The following KNL1 variants were observed in gnomAD, a reference collection of about 807,000 sequenced individuals.
The protein encoded by KNL1 is outer kinetochore KNL1 complex subunit KNL1.
In KNL1, 66 loss-of-function variants were observed where a neutral mutation model predicts 201.3. That is an observed-to-expected ratio of 0.33 (90% CI 0.27 to 0.40). The LOEUF (loss-of-function observed/expected upper bound fraction) is 0.40, where lower values mean the gene tolerates loss of function less well. Among genes scored for constraint, KNL1 ranks in the 10% least tolerant of loss-of-function variants. The pLI, the probability that KNL1 is intolerant of heterozygous loss-of-function variation, is 1.00. For missense variants in KNL1, 2,815 were observed against 2,690.5 expected, an observed-to-expected ratio of 1.05 and a Z score of -1.02; for synonymous variants, 895 against 899.2, an observed-to-expected ratio of 1.00 and a Z score of 0.08.
intron 6 of KNL1, 135 bp downstream of exon 6, chr15:40,610,432 TCAC>T: frequency 1.6e-6 from 1 of 613,510 alleles, no homozygotes; most frequent in Non-Finnish European, 2.9e-6. Flanking sequence ...GCATAGTGGT[TCAC>T]ACCTGTGATC....
intron 13 of KNL1, among the ~76,000 whole-genome samples, chr15:40,637,278 C>T (rs372098216): frequency 1.3e-5 from 2 of 149,970 alleles, no homozygotes; most frequent in Non-Finnish European, 3.0e-5. Context: ...GAGTTTACCA[C>T]AGTCCAGATG....
intron 6 of KNL1, chr15:40,610,864 C>G (rs1453480945): frequency 4.4e-6 from 2 of 454,244 alleles, no homozygotes; most frequent in Non-Finnish European, 8.8e-6. Flanking sequence ...ATTCTCCTGC[C>G]TCAGCCTCCC....
rs112103405 is a variant in KNL1 at position 40,594,694 on chromosome 15, C to G, written c.-18+302C>G. Among the ~76,000 whole-genome samples the G allele has an allele frequency of 7.2e-3, 1,099 of 152,332 alleles. 10 individuals carry two copies. Among genetic ancestry groups the G allele is most frequent in the African/African-American group, 0.025 (1,051 of 41,562 alleles). ...TCTCTTGGCGTCCTCTTCCGCCCCG[C>G]CCTGCCGTCCTCTGTCAGGGCTCGC... On this transcript the variant is annotated intron_variant, in intron 1 of 25. Coordinates refer to ENST00000399668, the MANE Select transcript of KNL1 (RefSeq NM_144508.5).
rs769933301 is a variant in KNL1 at position 40,622,437 on chromosome 15, G to A, written c.2173G>A (p.Val725Ile). ...TAISSHTVKS[V>I]LGQNSKLAEP... ...TATAAGTAGTCATACAGTGAAATCTGTACTAGGCCAGAATTCTAAACTGGC... is the reference window on the plus strand; with the variant it reads ...TATAAGTAGTCATACAGTGAAATCTATACTAGGCCAGAATTCTAAACTGGC... Residue 725 changes from valine (V) to isoleucine (I), a missense_variant, in exon 10 of 26, where the codon GTA becomes ATA. By Grantham distance (29) the Val-to-Ile change is conservative (BLOSUM62 3). This residue lies in a region of KNL1 where 2,464 missense variants were observed against 2,291.7 expected (regional missense o/e 1.08). Transcript: ENST00000399668. 2 of 1,613,744 alleles carry A rather than the reference G, an allele frequency of 1.2e-6. No individual in the cohort carries two copies. The highest frequency in any genetic ancestry group is 4.5e-5 in the East Asian group (2 of 44,880).
intron 7 of KNL1, among the ~76,000 whole-genome samples, chr15:40,613,384 A>G (rs565769922): frequency 2.0e-5 from 3 of 152,312 alleles, no homozygotes; most frequent in African/African-American, 4.8e-5. Context: ...GAACCTTGCT[A>G]TAGGTTACAT....
At chr15:40,633,485 TTGATAA>T (rs1372286827) in intron 13 of KNL1, among the ~76,000 whole-genome samples, 11 of 152,284 alleles carry the variant, frequency 7.2e-5, no homozygotes, top group African/African-American at 2.4e-4. Context: ...AACATAATAC[TTGATAA>T]TGATAACAGA....
chr15:40,607,994 C>G (rs1393464687), intron 4 of KNL1, among the ~76,000 whole-genome samples: 1 of 152,062 alleles, frequency 6.6e-6, no homozygotes, highest in Non-Finnish European at 1.5e-5. Flanking sequence ...GATATTTGTA[C>G]ACCCATGTTC....
At chr15:40,594,759 T>A (rs1891574602) in intron 1 of KNL1, among the ~76,000 whole-genome samples, 1 of 152,240 alleles carries the variant, frequency 6.6e-6, no homozygotes. Context: ...CCTAGGGACC[T>A]CTCGGCTGTT....
At chr15:40,656,428 G>A (rs536678883) in intron 22 of KNL1, among the ~76,000 whole-genome samples, 7 of 151,692 alleles carry the variant, frequency 4.6e-5, no homozygotes, top group South Asian at 4.2e-4. Context: ...GTGACACTCC[G>A]TCTCAAAAAA....
intron 13 of KNL1, among the ~76,000 whole-genome samples, chr15:40,638,555 G>A (rs1355623492): frequency 1.3e-5 from 2 of 151,250 alleles, no homozygotes; most frequent in East Asian, 2.0e-4. Flanking sequence ...GCAATGGTGC[G>A]ATCTCGGCTC....
At position 40,624,137 on chromosome 15, in the gene KNL1, T is replaced by A; in HGVS notation, c.3873T>A (p.His1291Gln). 6.2e-7 allele frequency: 1 copy of A among 1,614,064 alleles called. No homozygotes were observed. The highest frequency in any genetic ancestry group is 8.5e-7 in the Non-Finnish European group (1 of 1,179,946). ...GAAATGTGGACTTTACAAGTAGTCA[T>A]GCAACTGCTGTTTGTGGATCCAGTG... ...DRRNVDFTSS[H>Q]ATAVCGSSDN... The change falls in exon 10 of 26, where the codon CAT becomes CAA. Residue 1291 changes from histidine (H) to glutamine (Q), a missense_variant. By Grantham distance (24) the His-to-Gln change is conservative. Transcript: ENST00000399668.
intron 10 of KNL1, among the ~76,000 whole-genome samples, chr15:40,626,264 T>G (rs2141728520): frequency 6.6e-6 from 1 of 151,912 alleles, no homozygotes; most frequent in East Asian, 1.9e-4. Flanking sequence ...GTGATTCTCC[T>G]GCCTCAGCCT....
intron 21 of KNL1, among the ~76,000 whole-genome samples, chr15:40,654,597 C>T (rs145219408): frequency 0.013 from 2,006 of 150,864 alleles, 20 homozygotes; most frequent in Middle Eastern, 0.031. Context: ...AGGCCAGGCA[C>T]GGTGGCTCAT....
In KNL1 at chr15:40,662,278, T is replaced by C. The variant is rs1221569123; in HGVS notation, c.*90T>C. ...CTGTTCAGCCTTTGTTTTTACGTCATTACAAGCTGAGTAAAATTCCTTCTG... is the reference window on the plus strand; with the variant it reads ...CTGTTCAGCCTTTGTTTTTACGTCACTACAAGCTGAGTAAAATTCCTTCTG... On this transcript the variant is annotated 3_prime_UTR_variant, in exon 26 of 26. Transcript: ENST00000399668. 1.1e-5 allele frequency: 8 copies of C among 735,738 alleles called. No individual in the cohort carries two copies. Among genetic ancestry groups the C allele is most frequent in the Admixed American group, 4.3e-5 (2 of 46,022 alleles). The allele number at this position is 735,738 out of a possible 1,614,324, so 45.6% of individuals were successfully genotyped here.
chr15:40,641,457 A>C (rs1281179384), intron 14 of KNL1, among the ~76,000 whole-genome samples: 1 of 152,238 alleles, frequency 6.6e-6, no homozygotes, highest in Non-Finnish European at 1.5e-5. Context: ...GATTTACGCA[A>C]GTTGAGTAAC....
intron 2 of KNL1, among the ~76,000 whole-genome samples, chr15:40,604,892 T>A (rs1040937059): frequency 1.9e-4 from 29 of 152,246 alleles, no homozygotes; most frequent in Non-Finnish European, 3.7e-4. Flanking sequence ...TATGTTGTAC[T>A]GATAATTATT....
At position 40,621,080 on chromosome 15, in the gene KNL1, G is replaced by C; in HGVS notation, c.816G>C (p.Arg272Ser). 2 of 1,613,092 alleles carry C rather than the reference G, an allele frequency of 1.2e-6. No individual in the cohort carries two copies. The highest frequency in any genetic ancestry group is 8.5e-7 in the Non-Finnish European group (1 of 1,179,562). ...KEDENNSNIT[R>S]LFREKDDGMN... is the part of the protein sequence containing the mutation. The stretch of plus-strand genomic sequence containing the variant: ...ATGAAAATAACAGTAATATTACTAG[G>C]CTCTTTAGAGAAAAAGATGATGGGA... Residue 272 changes from arginine (R) to serine (S), a missense_variant, in exon 10 of 26, where the codon AGG becomes AGC. By Grantham distance (110) the Arg-to-Ser change is moderately radical (BLOSUM62 -1). Transcript: ENST00000399668.
intron 1 of KNL1, among the ~76,000 whole-genome samples, chr15:40,596,404 G>T (rs1198411260): frequency 6.6e-6 from 1 of 152,054 alleles, no homozygotes; most frequent in Non-Finnish European, 1.5e-5. Flanking sequence ...AGCTTCCGCA[G>T]TAACTGGGAT....
chr15:40,654,896 T>G lies in KNL1; in HGVS notation c.6416-13T>G, dbSNP rs370035611. 904 of 1,604,858 alleles carry G rather than the reference T, an allele frequency of 5.6e-4. No homozygotes were observed. The highest frequency in any genetic ancestry group is 1.2e-3 in the Admixed American group (71 of 59,868). ...AAAAAATTTTTAAAAATCATTATTC[T>G]GGTTCTTTCTAGTTGGTTTCCCTTT... is the stretch of plus-strand genomic sequence containing the variant. On this transcript the variant is annotated splice_polypyrimidine_tract_variant and intron_variant, in intron 21 of 25. Coordinates refer to ENST00000399668, the MANE Select transcript of KNL1 (RefSeq NM_144508.5).
Sources: gnomAD v4.1 joint callset for allele counts (sites outside exome capture counted in the v4.1 genomes callset) on GRCh38, gnomAD v4.1.1 for gene constraint, gnomAD v4.1.1 regional missense constraint, MANE v1.5 for transcripts, NCBI Gene and HGNC (gene_info 2026-07-23, HGNC 2026-07-21) for gene names.